AZGP1: variants seen among roughly 807,000 people sequenced by gnomAD.
AZGP1 encodes zinc-alpha-2-glycoprotein.
A neutral mutation model predicts 31.5 loss-of-function variants in AZGP1; 28 were observed. The ratio of observed to expected loss-of-function variants is 0.89; its 90% CI spans 0.66 to 1.22. The LOEUF is 1.22. Ranked by LOEUF, AZGP1 falls within the 50% of genes most tolerant of loss-of-function variation. The pLI, the probability that AZGP1 is intolerant of heterozygous loss-of-function variation, is 0.00. For missense variants in AZGP1, 361 were observed against 371.8 expected (o/e 0.97, Z 0.24); for synonymous variants, 135 against 145.4 (o/e 0.93, Z 0.51).
chr7:99,969,408 T>A (rs1258956351), intron 2 of AZGP1, among the ~76,000 whole-genome samples: 2 of 141,330 alleles, frequency 1.4e-5, no homozygotes, highest in South Asian at 2.3e-4. Flanking sequence ...GACTCAGTCT[T>A]AAAAAAAAAA....
chr7:99,971,701 C>T (rs2115684857), intron 2 of AZGP1, 45 bp downstream of exon 2: 5 of 1,586,540 alleles, frequency 3.2e-6, no homozygotes, highest in Non-Finnish European at 4.3e-6. Flanking sequence ...GGGGGGCTGC[C>T]TCTTGGGTTA....
In AZGP1 at chr7:99,974,519, G is replaced by A. The variant is rs1051175630; in HGVS notation, c.76+1426C>T. Among the ~76,000 whole-genome samples, 7 of 151,838 alleles carry A rather than the reference G, an allele frequency of 4.6e-5. No homozygotes were observed. The East Asian group carries it at 9.7e-4, about 21-fold the overall frequency. ...GGAAAATTGCTTGAACCTGGGAGGCGGAGGTTGCAGTGAGCCGAGATCATG... is the reference window on the plus strand; with the variant it reads ...GGAAAATTGCTTGAACCTGGGAGGCAGAGGTTGCAGTGAGCCGAGATCATG... On this transcript the variant is annotated intron_variant, in intron 1 of 3. Transcript: ENST00000292401.
At chr7:99,967,727 TG>T in intron 3 of AZGP1, 1 of 436,384 alleles carries the variant, frequency 2.3e-6, no homozygotes, top group Non-Finnish European at 4.1e-6. Flanking sequence ...CTTGTCCTTC[TG>T]GGGCTGACAT....
At chr7:99,970,292 G>A (rs1689501369) in intron 2 of AZGP1, among the ~76,000 whole-genome samples, 1 of 152,152 alleles carries the variant, frequency 6.6e-6, no homozygotes, top group Non-Finnish European at 1.5e-5. Flanking sequence ...CACCCAGGCT[G>A]TAGTGCAATG....
rs774706468 is a variant in AZGP1 at position 99,971,718 on chromosome 7, C to T, written c.337+28G>A. The T allele has an allele frequency of 1.4e-5, 23 of 1,604,302 alleles. No homozygotes were observed. The Admixed American group carries it at 3.4e-4, about 23-fold the overall frequency. ...GGGGCTGCCTCTTGGGTTAGACCTT[C>T]CACCCCTGTGGTCTGTTATTCACTG... is the stretch of plus-strand genomic sequence containing the variant. On this transcript the variant is annotated intron_variant, in intron 2 of 3. Coordinates refer to ENST00000292401, the MANE Select transcript of AZGP1 (RefSeq NM_001185.4).
At chr7:99,971,113 T>C (rs2525555) in intron 2 of AZGP1, among the ~76,000 whole-genome samples, 93,111 of 152,112 alleles carry the variant, frequency 0.61, 30,360 homozygotes, top group East Asian at 0.87. Context: ...CGGTGTGTGC[T>C]GGGTGCTTTT....
intron 2 of AZGP1, among the ~76,000 whole-genome samples, chr7:99,971,225 T>C (rs976898274): frequency 1.3e-5 from 2 of 152,206 alleles, no homozygotes; most frequent in Non-Finnish European, 2.9e-5. Context: ...ACATCCTTCA[T>C]AGAACAGACA....
chr7:99,970,959 C>G (rs376977074), intron 2 of AZGP1, among the ~76,000 whole-genome samples: 4 of 152,212 alleles, frequency 2.6e-5, no homozygotes, highest in East Asian at 1.9e-4. Flanking sequence ...TCTGCACGGG[C>G]TCTGCCACCA....
At position 99,975,973 on chromosome 7, in the gene AZGP1, AC is replaced by A. The variant is rs1315021757; in HGVS notation, c.47del (p.Gly16ValfsTer15). 1 of 1,613,900 alleles carries A rather than the reference AC, an allele frequency of 6.2e-7. No individual in the cohort carries two copies. Among genetic ancestry groups the A allele is most frequent in the Non-Finnish European group, 8.5e-7 (1 of 1,180,002 alleles). ...PVLLSLLLLLGPAVPQENQDG... is the reference protein window; with the variant it reads ...PVLLSLLLLLXPAVPQENQDG... ...CTTGGTTCTCCTGGGGGACAGCAGG[AC>A]CCAGAAGCAGCAGCAGAGACAGCAG... is the stretch of plus-strand genomic sequence containing the variant. On this transcript the variant is annotated frameshift_variant, in exon 1 of 4. Transcript: ENST00000292401. LOFTEE classifies it high-confidence loss of function.
intron 2 of AZGP1, among the ~76,000 whole-genome samples, chr7:99,970,061 C>T (rs1193491731): frequency 1.3e-5 from 2 of 151,972 alleles, no homozygotes; most frequent in Non-Finnish European, 2.9e-5. Flanking sequence ...CCCACCCCCA[C>T]CTGGTGTGTT....
Position 99,975,952 on chromosome 7 carries a change from G to A in AZGP1, c.69C>T (p.Asn23=), listed in dbSNP as rs1789654402. 1.9e-6 allele frequency: 3 copies of A among 1,613,862 alleles called. No homozygotes were observed. The African/African-American group carries it at 4.0e-5, about 22-fold the overall frequency. The change falls in exon 1 of 4, where the codon AAC becomes AAT. Residue 23 remains asparagine (N), a synonymous_variant. Transcript: ENST00000292401. ...LLLGPAVPQE[N]QDGRYSLTYI... Reference sequence around the variant, plus strand: ...CTTGCTTTCCCCACTCACCATCTTGGTTCTCCTGGGGGACAGCAGGACCCA... The same window carrying A: ...CTTGCTTTCCCCACTCACCATCTTGATTCTCCTGGGGGACAGCAGGACCCA...
At chr7:99,970,980 C>T (rs944031101) in intron 2 of AZGP1, among the ~76,000 whole-genome samples, 1 of 152,204 alleles carries the variant, frequency 6.6e-6, no homozygotes, top group African/African-American at 2.4e-5. Context: ...GCTCCTCTGA[C>T]CATAGCGCAG....
At chr7:99,968,125 C>T (rs1410865428) in intron 3 of AZGP1, 30 bp downstream of exon 3, 5 of 1,612,710 alleles carry the variant, frequency 3.1e-6, no homozygotes, top group Non-Finnish European at 2.5e-6. Context: ...ATTCTGGGCT[C>T]AGTACTGGGG....
At chr7:99,967,893 T>A in intron 3 of AZGP1, 1 of 605,496 alleles carries the variant, frequency 1.7e-6, no homozygotes, top group South Asian at 2.1e-5. Context: ...AAGCTCCTTG[T>A]CTGTTAATTG....
Position 99,966,785 on chromosome 7 carries a change from G to T in AZGP1, c.*218C>A. Reference sequence around the variant, plus strand: ...GCTTCTACAGATTAGACAATGGGGTGGGGGTGGGCTCAAGGTGAGATGATT... The same window carrying T: ...GCTTCTACAGATTAGACAATGGGGTTGGGGTGGGCTCAAGGTGAGATGATT... On this transcript the variant is annotated 3_prime_UTR_variant, in exon 4 of 4. Transcript: ENST00000292401. The T allele has an allele frequency of 3.2e-6, 2 of 621,416 alleles. No homozygotes were observed. Among genetic ancestry groups the T allele is most frequent in the Non-Finnish European group, 5.6e-6 (2 of 357,394 alleles). 38.5% of individuals were successfully genotyped at this position (621,416 alleles called of 1,614,324 possible).
intron 3 of AZGP1, chr7:99,967,780 T>A: frequency 3.9e-6 from 2 of 512,342 alleles, no homozygotes; most frequent in Middle Eastern, 5.1e-4. Flanking sequence ...ATGGGAGGCA[T>A]CATTGTAGAG....
At chr7:99,968,826 G>C (rs1437188107) in intron 2 of AZGP1, 2 of 222,556 alleles carry the variant, frequency 9.0e-6, no homozygotes, top group Non-Finnish European at 1.8e-5. Context: ...AGCGCAGCAT[G>C]GTGGTGCATG....
rs1326069437 is a variant in AZGP1 at position 99,967,254 on chromosome 7, C to T, written c.646G>A (p.Ala216Thr). The part of the protein sequence containing the change: ...PPSVVVTSHQ[A>T]PGEKKKLKCL... The stretch of plus-strand genomic sequence containing the variant: ...TTCAGTTTCTTCTTTTCTCCTGGGG[C>T]CTGGTGGCTGGTGACCACCACAGAG... Residue 216 changes from alanine to threonine, a missense_variant, in exon 4 of 4, where the codon GCC becomes ACC. Ala to Thr is a moderately conservative substitution (Grantham distance 58). Transcript: ENST00000292401. 4.3e-6 allele frequency: 7 copies of T among 1,612,866 alleles called. No individual in the cohort carries two copies. Among genetic ancestry groups the T allele is most frequent in the African/African-American group, 2.7e-5 (2 of 74,832 alleles).
At chr7:99,975,049 T>C (rs1183241712) in intron 1 of AZGP1, among the ~76,000 whole-genome samples, 1 of 152,182 alleles carries the variant, frequency 6.6e-6, no homozygotes, top group Non-Finnish European at 1.5e-5. Flanking sequence ...GTCAATTTCT[T>C]AAAATAAATC....
Sources: gnomAD v4.1 joint callset for allele counts (sites outside exome capture counted in the v4.1 genomes callset) on GRCh38, gnomAD v4.1.1 for gene constraint, MANE v1.5 for transcripts, NCBI Gene and HGNC (gene_info 2026-07-23, HGNC 2026-07-21) for gene names.